The following PPM1H variants were observed in gnomAD, a reference collection of about 807,000 sequenced individuals.
PPM1H encodes protein phosphatase 1H.
Under a neutral mutation model 54.9 loss-of-function variants are expected in PPM1H, and 27 were observed. That is an observed-to-expected ratio of 0.49 (90% CI 0.36 to 0.68). The LOEUF (loss-of-function observed/expected upper bound fraction) is 0.68. PPM1H is among the 30% of genes least tolerant of loss of function. The probability of loss-of-function intolerance (pLI) is 0.00; values close to 1 mark genes in which losing one functional copy is unlikely to be tolerated. For missense variants in PPM1H, 596 were observed against 667.8 expected (o/e 0.89, Z 1.19); for synonymous variants, 305 against 270.8 (o/e 1.13, Z -1.24).
chr12:62,750,361 A>G (rs1273769969), intron 4 of PPM1H, among the ~76,000 whole-genome samples: 1 of 152,238 alleles, frequency 6.6e-6, no homozygotes, highest in African/African-American at 2.4e-5. Flanking sequence ...TTTAATATGA[A>G]TGGCATCATA....
intron 1 of PPM1H, among the ~76,000 whole-genome samples, chr12:62,880,358 C>T (rs948170617): frequency 4.6e-5 from 7 of 152,202 alleles, no homozygotes; most frequent in African/African-American, 1.7e-4. Context: ...CCAATTACTA[C>T]ACATCTCAGA....
chr12:62,807,366 C>G (rs991112544), intron 2 of PPM1H, among the ~76,000 whole-genome samples: 1 of 152,140 alleles, frequency 6.6e-6, no homozygotes, highest in Non-Finnish European at 1.5e-5. Flanking sequence ...GTAAATCCTG[C>G]CCTAAAAAAC....
chr12:62,783,105 T>C (rs1196247401), intron 4 of PPM1H, among the ~76,000 whole-genome samples: 2 of 152,230 alleles, frequency 1.3e-5, no homozygotes, highest in Non-Finnish European at 2.9e-5. Flanking sequence ...GTGCTGGGAT[T>C]GCAGGCATGA....
rs1028764460 is a variant in PPM1H, at chr12:62,689,886, A to C, written c.1138-80T>G. The C allele has an allele frequency of 3.2e-6, 3 of 936,934 alleles. No individual in the cohort carries two copies. In the African/African-American group the frequency reaches 5.0e-5, roughly 15 times the overall value. The allele number at this position is 936,934 out of a possible 1,614,324, so 58.0% of individuals were successfully genotyped here. A position where few individuals can be genotyped will look rare whatever the true frequency, so the allele number is the denominator to read the frequency against. ...TTCCAGTGCAGCTGCCTGGGCTAGG[A>C]ACAACCAAACAATTTTCCAGTTCCT... is the stretch of plus-strand genomic sequence containing the variant. On this transcript the variant is annotated intron_variant, in intron 7 of 9. Coordinates refer to ENST00000228705, the MANE Select transcript of PPM1H (RefSeq NM_020700.2).
intron 8 of PPM1H, among the ~76,000 whole-genome samples, chr12:62,669,994 T>TTTTTTTTTTA (rs2075946806): frequency 6.9e-6 from 1 of 145,418 alleles, no homozygotes; most frequent in African/African-American, 2.6e-5. Context: ...TTTTTTTTTT[T>TTTTTTTTTTA]GAGACGGAGT....
Position 62,729,163 on chromosome 12 carries a change from AGGGCGGCTTAC to A in PPM1H, c.954+8328_954+8338del, listed in dbSNP as rs570671312. On this transcript the variant is annotated intron_variant, in intron 5 of 9. Transcript: ENST00000228705. ...TGACCCACACAAGTGAAGGAGGCTG[AGGGCGGCTTAC>A]GGGCAGAAATGGAGCCATTCACAGG... Among the ~76,000 whole-genome samples, 572 of 152,318 alleles carry A rather than the reference AGGGCGGCTTAC, an allele frequency of 3.8e-3. 4 individuals carry two copies. The highest frequency in any genetic ancestry group is 0.013 in the African/African-American group (535 of 41,580).
At position 62,734,179 on chromosome 12, in the gene PPM1H, A is replaced by T. The variant is rs535810883; in HGVS notation, c.954+3323T>A. On this transcript the variant is annotated intron_variant, in intron 5 of 9. Coordinates refer to ENST00000228705, the MANE Select transcript of PPM1H (RefSeq NM_020700.2). ...AAATAAAAAAAAAAGACGGCTGCCT[A>T]CAAATCAGGAAGTAGAGCCCTCACC... 4.9e-3 allele frequency among the ~76,000 whole-genome samples: 736 copies of T among 150,766 alleles called. 6 individuals carry two copies. Among genetic ancestry groups the T allele is most frequent in the Non-Finnish European group, 7.6e-3 (516 of 67,834 alleles).
In PPM1H at chr12:62,844,028, A is replaced by G. The variant is rs1565807015; in HGVS notation, c.246-11749T>C. On this transcript the variant is annotated intron_variant, in intron 1 of 9. Coordinates refer to ENST00000228705, the MANE Select transcript of PPM1H (RefSeq NM_020700.2). This position sits in a 1 kb window ranked among gnomAD's most constrained non-coding sequence, Gnocchi z 5.2. ...TCTGAGTTTCATTTTAGGCAAACTG[A>G]TTTCTCTACCCTAAGGAAGCTAGAA... 6.6e-6 allele frequency among the ~76,000 whole-genome samples: 1 copy of G among 152,216 alleles called. No individual in the cohort carries two copies. Among genetic ancestry groups the G allele is most frequent in the African/African-American group, 2.4e-5 (1 of 41,444 alleles).
intron 1 of PPM1H, among the ~76,000 whole-genome samples, chr12:62,914,922 G>A (rs1456550979): frequency 6.6e-6 from 1 of 152,032 alleles, no homozygotes; most frequent in Non-Finnish European, 1.5e-5. Flanking sequence ...CTCCAACAAG[G>A]CCTCTTCTCC....
chr12:62,816,104 T>C (rs945938686), intron 2 of PPM1H, among the ~76,000 whole-genome samples: 11 of 152,314 alleles, frequency 7.2e-5, no homozygotes, highest in African/African-American at 2.4e-4. Flanking sequence ...TTATTCTTCC[T>C]TGATGTCTGA....
At chr12:62,915,435 G>A (rs1456837194) in intron 1 of PPM1H, among the ~76,000 whole-genome samples, 2 of 152,250 alleles carry the variant, frequency 1.3e-5, no homozygotes, top group East Asian at 3.8e-4. Context: ...CTGCAGCAGA[G>A]TTTGTGCAGG....
chr12:62,793,894 T>C (rs374951579), intron 3 of PPM1H, among the ~76,000 whole-genome samples: 2 of 152,280 alleles, frequency 1.3e-5, no homozygotes, highest in East Asian at 3.9e-4. Flanking sequence ...CATTCTTTGT[T>C]TCCTACCAAT....
intron 4 of PPM1H, chr12:62,756,163 G>C: frequency 1.2e-6 from 1 of 847,100 alleles, no homozygotes; most frequent in Non-Finnish European, 2.0e-6. Context: ...CTCATTTCCT[G>C]GTATGACAAT....
chr12:62,715,191 C>T (rs957835501), intron 6 of PPM1H, among the ~76,000 whole-genome samples: 1 of 152,210 alleles, frequency 6.6e-6, no homozygotes, highest in Admixed American at 6.5e-5. Context: ...TCGGGATACA[C>T]TGCTCTCAAG....
chr12:62,769,439 ACTGACAAAACCAG>A (rs2120642523), intron 4 of PPM1H, among the ~76,000 whole-genome samples: 1 of 152,344 alleles, frequency 6.6e-6, no homozygotes, highest in African/African-American at 2.4e-5. Context: ...TTGCCCAATC[ACTGACAAAACCAG>A]CCTCGTGGCC....
At chr12:62,810,653 G>T (rs942260382) in intron 2 of PPM1H, among the ~76,000 whole-genome samples, 2 of 152,166 alleles carry the variant, frequency 1.3e-5, no homozygotes, top group African/African-American at 2.4e-5. Flanking sequence ...TTAAATGCTG[G>T]ATATTTACTT....
At chr12:62,901,571 C>T (rs926432156) in intron 1 of PPM1H, among the ~76,000 whole-genome samples, 3 of 152,134 alleles carry the variant, frequency 2.0e-5, no homozygotes, top group South Asian at 2.1e-4. Flanking sequence ...ATTGCCTCTA[C>T]AAAAGTGCAA....
At chr12:62,657,402 T>C (rs2075850818) in intron 9 of PPM1H, among the ~76,000 whole-genome samples, 1 of 152,210 alleles carries the variant, frequency 6.6e-6, no homozygotes, top group Admixed American at 6.5e-5. Context: ...CACACAGCTC[T>C]GCCACATAAA....
intron 9 of PPM1H, among the ~76,000 whole-genome samples, chr12:62,650,646 G>C (rs1402383983): frequency 2.0e-5 from 3 of 152,152 alleles, no homozygotes; most frequent in Admixed American, 6.5e-5. Flanking sequence ...CGTATGGCTG[G>C]GAAAGTCTTA....
Sources: allele counts gnomAD v4.1 joint callset (sites outside exome capture counted in the v4.1 genomes callset), GRCh38; gene constraint gnomAD v4.1.1; non-coding constraint Gnocchi (gnomAD v3.1); transcripts MANE v1.5; gene names NCBI Gene and HGNC (gene_info 2026-07-23, HGNC 2026-07-21).